The following TTC6 variants were observed in gnomAD, a reference collection of about 807,000 sequenced individuals.
The protein encoded by TTC6 is tetratricopeptide repeat domain 6, also known as tetratricopeptide repeat protein 6.
A neutral mutation model predicts 210.4 loss-of-function variants in TTC6; 172 were observed. That is an observed-to-expected ratio of 0.82 (90% CI 0.72 to 0.93). The LOEUF is 0.93. Ranked by LOEUF, TTC6 falls within the 40% of genes least tolerant of loss-of-function variation. The pLI is 0.00. For synonymous variants in TTC6, 804 were observed against 819.6 expected, an observed-to-expected ratio of 0.98 and a Z score of 0.32; for missense variants, 2,414 against 2,318.1, an observed-to-expected ratio of 1.04 and a Z score of -0.85.
At chr14:37,780,703 A>G (rs910432857) in intron 14 of TTC6, among the ~76,000 whole-genome samples, 6 of 152,144 alleles carry the variant, frequency 3.9e-5, no homozygotes, top group Non-Finnish European at 7.4e-5. Flanking sequence ...CTAGGTATAC[A>G]TGTGCCATGG....
At chr14:37,629,935 C>G (rs1595034280) in intron 1 of TTC6, among the ~76,000 whole-genome samples, 1 of 152,144 alleles carries the variant, frequency 6.6e-6, no homozygotes, top group Non-Finnish European at 1.5e-5. Context: ...GTTGAACCAG[C>G]CTTGCATCCC....
chr14:37,740,113 G>A (rs1210547102), intron 10 of TTC6, among the ~76,000 whole-genome samples: 2 of 149,814 alleles, frequency 1.3e-5, no homozygotes, highest in African/African-American at 2.5e-5. Context: ...GCAGTGAGCC[G>A]AGATGTGCCA....
chr14:37,693,386 A>C, intron 3 of TTC6, among the ~76,000 whole-genome samples: 1 of 152,220 alleles, frequency 6.6e-6, no homozygotes, highest in East Asian at 1.9e-4. Context: ...AAAAATGGAA[A>C]GATATTCCAT....
chr14:37,745,535 C>T (rs2095933391), intron 10 of TTC6, among the ~76,000 whole-genome samples: 1 of 152,106 alleles, frequency 6.6e-6, no homozygotes. Context: ...ACAGTTTATT[C>T]CGTTATTACA....
intron 4 of TTC6, among the ~76,000 whole-genome samples, chr14:37,700,776 CA>C: frequency 1.1e-5 from 1 of 90,634 alleles, no homozygotes; most frequent in East Asian, 3.5e-4. Context: ...AAAAAAAAAG[CA>C]GATTTTCATG....
intron 3 of TTC6, among the ~76,000 whole-genome samples, chr14:37,694,008 AAAC>A (rs1432685507): frequency 6.7e-6 from 1 of 150,090 alleles, no homozygotes; most frequent in Non-Finnish European, 1.5e-5. Context: ...ACAAACAAAC[AAAC>A]AAACACTGGG....
At chr14:37,631,995 A>G (rs1178743941) in intron 1 of TTC6, among the ~76,000 whole-genome samples, 1 of 152,056 alleles carries the variant, frequency 6.6e-6, no homozygotes, top group African/African-American at 2.4e-5. Flanking sequence ...TAAACTGGTT[A>G]TTCTAGTTAG....
At chr14:37,771,558 C>G (rs1226580592) in intron 14 of TTC6, among the ~76,000 whole-genome samples, 1 of 152,156 alleles carries the variant, frequency 6.6e-6, no homozygotes, top group Non-Finnish European at 1.5e-5. Context: ...TTCATTTCTT[C>G]TTCCATTGCT....
intron 1 of TTC6, among the ~76,000 whole-genome samples, chr14:37,641,096 A>G (rs1219026575): frequency 6.6e-6 from 1 of 152,252 alleles, no homozygotes; most frequent in Non-Finnish European, 1.5e-5. Flanking sequence ...GTTGCTTAAC[A>G]TGTAAAGTTG....
At chr14:37,644,481 A>G (rs1337545805) in intron 1 of TTC6, among the ~76,000 whole-genome samples, 1 of 152,198 alleles carries the variant, frequency 6.6e-6, no homozygotes, top group African/African-American at 2.4e-5. Context: ...CTTATATTTA[A>G]TCTGGCAGAA....
chr14:37,750,279 C>T (rs2095947844), intron 12 of TTC6, among the ~76,000 whole-genome samples: 1 of 152,102 alleles, frequency 6.6e-6, no homozygotes. Flanking sequence ...AAGCACTAGA[C>T]ATGGAACTTT....
At chr14:37,693,963 C>T (rs2095809420) in intron 3 of TTC6, among the ~76,000 whole-genome samples, 1 of 141,614 alleles carries the variant, frequency 7.1e-6, no homozygotes, top group South Asian at 2.3e-4. Flanking sequence ...AGACCTCAAA[C>T]TATAAAACTA....
intron 4 of TTC6, among the ~76,000 whole-genome samples, chr14:37,699,295 A>G (rs2095820452): frequency 6.6e-6 from 1 of 152,212 alleles, no homozygotes; most frequent in Non-Finnish European, 1.5e-5. Flanking sequence ...AACTTCTGCC[A>G]TGTGAGAGAC....
intron 24 of TTC6, among the ~76,000 whole-genome samples, chr14:37,811,713 C>T (rs1469276630): frequency 1.3e-5 from 2 of 152,140 alleles, no homozygotes; most frequent in Non-Finnish European, 2.9e-5. Context: ...TCTCAGATTA[C>T]ACTATGTGTC....
intron 1 of TTC6, among the ~76,000 whole-genome samples, chr14:37,665,823 A>T (rs1447407311): frequency 6.7e-6 from 1 of 150,000 alleles, no homozygotes; most frequent in Non-Finnish European, 1.5e-5. Context: ...CCAGAATCAC[A>T]CTCTTTGTGA....
intron 29 of TTC6, 99 bp downstream of exon 31, chr14:37,827,465 T>G: frequency 9.2e-7 from 1 of 1,084,988 alleles, no homozygotes; most frequent in Non-Finnish European, 1.3e-6. Flanking sequence ...AGGCTAATAA[T>G]GCATTGGCTA....
At chr14:37,838,662 T>C (rs1421209589) in intron 29 of TTC6, among the ~76,000 whole-genome samples, 1 of 152,224 alleles carries the variant, frequency 6.6e-6, no homozygotes, top group African/African-American at 2.4e-5. Flanking sequence ...TACTTTTCTT[T>C]CTTCTTTTTT....
chr14:37,680,988 G>T (rs1002476007), intron 2 of TTC6, among the ~76,000 whole-genome samples: 3 of 152,114 alleles, frequency 2.0e-5, no homozygotes, highest in Non-Finnish European at 4.4e-5. Context: ...CAAAAGCTAT[G>T]GGTCCTATAA....
At chr14:37,836,320 T>C (rs747341108) in intron 29 of TTC6, among the ~76,000 whole-genome samples, 2 of 152,196 alleles carry the variant, frequency 1.3e-5, no homozygotes, top group Non-Finnish European at 2.9e-5. Context: ...CAAACTCAGA[T>C]CACTCTCTGG....
Sources: gnomAD v4.1 joint callset for allele counts (sites outside exome capture counted in the v4.1 genomes callset) on GRCh38, gnomAD v4.1.1 for gene constraint, MANE v1.5 for transcripts, NCBI Gene and HGNC (gene_info 2026-07-23, HGNC 2026-07-21) for gene names.